REN: variants seen among roughly 807,000 people sequenced by gnomAD.
REN encodes renin, also known as angiotensin-forming enzyme.
In REN, 42 loss-of-function variants were observed where a neutral mutation model predicts 48.6. The ratio of observed to expected loss-of-function variants is 0.86; its 90% CI spans 0.68 to 1.12. REN has a LOEUF of 1.12. Among genes scored for constraint, REN ranks in the 50% most tolerant of loss-of-function variants. The pLI is 0.00. For synonymous variants in REN, 196 were observed against 204.6 expected, an observed-to-expected ratio of 0.96 and a Z score of 0.36; for missense variants, 443 against 527.3, an observed-to-expected ratio of 0.84 and a Z score of 1.57.
chr1:204,165,693 C>A (rs972546242), intron 1 of REN, among the ~76,000 whole-genome samples: 10 of 151,632 alleles, frequency 6.6e-5, no homozygotes, highest in African/African-American at 7.3e-5. Flanking sequence ...CGGGCTCAAA[C>A]GATTCTCCTG....
Position 204,162,047 on chromosome 1 carries a change from G to A in REN, c.215C>T (p.Thr72Ile). Residue 72 changes from threonine (T) to isoleucine (I), a missense_variant, in exon 2 of 10, where the codon ACC becomes ATC. Physicochemically the swap from Thr to Ile is moderately conservative, Grantham distance 89. Transcript: ENST00000272190. Reference sequence around the variant, plus strand: ...GTTGGTGAGGATCACGGAGGAGGTGGTGTTGCCAAGTGTCAGCCTCTTCAT... The same window carrying A: ...GTTGGTGAGGATCACGGAGGAGGTGATGTTGCCAAGTGTCAGCCTCTTCAT... ...QPMKRLTLGN[T>I]TSSVILTNYM... 4 of 1,614,168 alleles carry A rather than the reference G, an allele frequency of 2.5e-6. No homozygotes were observed. Among genetic ancestry groups the A allele is most frequent in the Non-Finnish European group, 3.4e-6 (4 of 1,180,036 alleles).
Position 204,159,450 on chromosome 1 carries a change from A to T in REN, c.638T>A (p.Ile213Asn). 6.2e-7 allele frequency: 1 copy of T among 1,614,096 alleles called. No homozygotes were observed. The change falls in exon 5 of 10, where the codon ATC becomes AAC. Residue 213 changes from isoleucine to asparagine, a missense_variant. By Grantham distance (149) the Ile-to-Asn change is moderately radical (BLOSUM62 -3). Transcript: ENST00000272190. ...CTCTTTTAGCACCCCTTGGGAGATG[A>T]TGTTGTCGAAGATAGGGGTGACCCT... ...IGRVTPIFDN[I>N]ISQGVLKEDV...
chr1:204,158,939 C>G (rs573159343), intron 5 of REN, among the ~76,000 whole-genome samples: 1 of 152,278 alleles, frequency 6.6e-6, no homozygotes, highest in East Asian at 1.9e-4. Context: ...AATGAAGGAT[C>G]TAATGGATGA....
At chr1:204,157,249 C>T (rs778072494) in intron 6 of REN, 112 bp downstream of exon 6, 45 of 1,401,916 alleles carry the variant, frequency 3.2e-5, no homozygotes, top group Middle Eastern at 1.9e-4. Context: ...CGGCATCTAG[C>T]GGAGGCTGGG....
chr1:204,156,616 C>T lies in REN; in HGVS notation c.818+61G>A, dbSNP rs931736710. ...GATGGTAATGCAGTCCTTCCCCACC[C>T]TCCCCAACCCCAGTGACGGCAGCAT... On this transcript the variant is annotated intron_variant, in intron 7 of 9. Coordinates refer to ENST00000272190, the MANE Select transcript of REN (RefSeq NM_000537.4). The surrounding 1 kb of genome is among the most constrained non-coding windows in gnomAD (Gnocchi z 4.2). 2 of 1,590,164 alleles carry T rather than the reference C, an allele frequency of 1.3e-6. No homozygotes were observed. Among genetic ancestry groups the T allele is most frequent in the East Asian group, 2.2e-5 (1 of 44,560 alleles).
intron 5 of REN, 177 bp downstream of exon 5, chr1:204,159,222 A>G: frequency 1.4e-6 from 1 of 695,252 alleles, no homozygotes; most frequent in Non-Finnish European, 2.6e-6. Flanking sequence ...GCTTAACTGT[A>G]TTTAATTAAT....
Position 204,155,017 on chromosome 1 carries a change from C to A in REN, c.1220G>T (p.Ter407LeuextTer21), listed in dbSNP as rs200760827. ...GGCCTGCCTGGGTGGCAGAGGGCCTCAGCGGGCCAAGGCGAAGCCAATGCG... is the reference window on the plus strand; with the variant it reads ...GGCCTGCCTGGGTGGCAGAGGGCCTAAGCGGGCCAAGGCGAAGCCAATGCG... ...NNRIGFALAR[*>L] The change falls in exon 10 of 10, where the codon TGA (stop) becomes TTA (leucine). Residue 407 changes from the stop codon to leucine, a stop_lost. Coordinates refer to ENST00000272190, the MANE Select transcript of REN (RefSeq NM_000537.4). The A allele has an allele frequency of 9.9e-6, 16 of 1,613,846 alleles. No individual in the cohort carries two copies. The African/African-American group carries it at 1.6e-4, about 16-fold the overall frequency.
In REN at chr1:204,162,321, TATA is replaced by T. The variant is rs1163552905; in HGVS notation, c.99-161_99-159del. 3.3e-5 allele frequency among the ~76,000 whole-genome samples: 5 copies of T among 152,164 alleles called. No homozygotes were observed. In the East Asian group the frequency reaches 9.6e-4, roughly 29 times the overall value. On this transcript the variant is annotated intron_variant, in intron 1 of 9. Coordinates refer to ENST00000272190, the MANE Select transcript of REN (RefSeq NM_000537.4). Reference sequence around the variant, plus strand: ...TGTCGCTGAGGGCCTCTGGAGCATTTATAAGAGTTACTTCTTGTCAAGAGTCAA... The same window carrying T: ...TGTCGCTGAGGGCCTCTGGAGCATTTAGAGTTACTTCTTGTCAAGAGTCAA...
In REN at chr1:204,159,714, G is replaced by A; in HGVS notation, c.493-119C>T. The A allele has an allele frequency of 5.9e-6, 5 of 854,438 alleles. No homozygotes were observed. The South Asian group carries it at 7.0e-5, about 12-fold the overall frequency. The allele number at this position is 854,438 out of a possible 1,614,324, so 52.9% of individuals were successfully genotyped here. Reference sequence around the variant, plus strand: ...ACATGCTCCAGGGTACAGAAATCGGGGTAAGAGTATTTCCTCAACCCTGCA... The same window carrying A: ...ACATGCTCCAGGGTACAGAAATCGGAGTAAGAGTATTTCCTCAACCCTGCA... On this transcript the variant is annotated intron_variant, in intron 4 of 9. Transcript: ENST00000272190.
chr1:204,163,955 T>C (rs1658293954), intron 1 of REN, among the ~76,000 whole-genome samples: 2 of 152,160 alleles, frequency 1.3e-5, no homozygotes, highest in Admixed American at 6.5e-5. Context: ...TAAATGTAAA[T>C]TGTAGGTGTG....
Position 204,161,295 on chromosome 1 carries a change from A to G in REN, c.370T>C (p.Cys124Arg). The G allele has an allele frequency of 1.9e-6, 3 of 1,603,046 alleles. No homozygotes were observed. Among genetic ancestry groups the G allele is most frequent in the Non-Finnish European group, 2.6e-6 (3 of 1,174,548 alleles). ...CACTGTGGGTCTTAGGTCTCACCAC[A>G]GGCAGTGTAGAGACGGCTGCACTTG... Reference protein sequence around the residue: ...SSKCSRLYTACVYHKLFDASD... With the variant: ...SSKCSRLYTARVYHKLFDASD... Residue 124 changes from cysteine (C) to arginine (R), a missense_variant, in exon 3 of 10, where the codon TGT (cysteine) becomes CGT (arginine). Coordinates refer to ENST00000272190, the MANE Select transcript of REN (RefSeq NM_000537.4).
intron 1 of REN, among the ~76,000 whole-genome samples, chr1:204,165,835 G>T (rs908457301): frequency 6.6e-6 from 1 of 152,074 alleles, no homozygotes; most frequent in African/African-American, 2.4e-5. Flanking sequence ...CAAGTGATCC[G>T]TCTCAGCCTC....
chr1:204,162,421 G>C (rs915007445), intron 1 of REN, among the ~76,000 whole-genome samples: 3 of 152,184 alleles, frequency 2.0e-5, no homozygotes, highest in African/African-American at 4.8e-5. Context: ...ATTTTGATTA[G>C]ACAAGGCTAT....
At chr1:204,161,811 C>T (rs981666079) in intron 2 of REN, among the ~76,000 whole-genome samples, 28 of 152,142 alleles carry the variant, frequency 1.8e-4, no homozygotes, top group African/African-American at 6.0e-4. Flanking sequence ...TAACCCTGCC[C>T]CTGAATGGCC....
At position 204,160,600 on chromosome 1, in the gene REN, G is replaced by A. The variant is rs1229083474; in HGVS notation, c.452C>T (p.Thr151Ile). ...NGTELTLRYS[T>I]GTVSGFLSQD... ...GCTGAGAAAGCCACTGACTGTCCCT[G>A]TTGAATAGCGGAGGGTGAGTTCTGT... Residue 151 changes from threonine (T) to isoleucine (I), a missense_variant, in exon 4 of 10, where the codon ACA becomes ATA. Coordinates refer to ENST00000272190, the MANE Select transcript of REN (RefSeq NM_000537.4). 6.2e-7 allele frequency: 1 copy of A among 1,614,100 alleles called. No individual in the cohort carries two copies. The highest frequency in any genetic ancestry group is 8.5e-7 in the Non-Finnish European group (1 of 1,180,000).
rs760720760 is a variant in REN at position 204,156,661 on chromosome 1, G to A, written c.818+16C>T. 1.2e-6 allele frequency: 2 copies of A among 1,613,962 alleles called. No homozygotes were observed. Among genetic ancestry groups the A allele is most frequent in the Non-Finnish European group, 8.5e-7 (1 of 1,180,010 alleles). On this transcript the variant is annotated intron_variant, in intron 7 of 9. Coordinates refer to ENST00000272190, the MANE Select transcript of REN (RefSeq NM_000537.4). This position sits in a 1 kb window ranked among gnomAD's most constrained non-coding sequence, Gnocchi z 4.2. ...CAGCATTTTTTGGAGCCCGGGGAGG[G>A]TTGAGGATTTCTGACCCCTTCATTT...
At chr1:204,159,355 C>A in intron 5 of REN, 44 bp downstream of exon 5, 2 of 1,570,514 alleles carry the variant, frequency 1.3e-6, no homozygotes, top group Non-Finnish European at 1.8e-6. Context: ...ATCTCTTCTC[C>A]CCTCCTGTCC....
intron 8 of REN, 33 bp from the exon 9 acceptor site, chr1:204,155,951 T>C (rs369989388): frequency 3.9e-5 from 61 of 1,571,102 alleles, no homozygotes; most frequent in Non-Finnish European, 5.1e-5. Context: ...CCTTCTTGAG[T>C]ATGGAAGACG....
chr1:204,155,920 T>G lies in REN; in HGVS notation c.961-2A>C. 1.2e-6 allele frequency: 2 copies of G among 1,612,004 alleles called. No individual in the cohort carries two copies. Among genetic ancestry groups the G allele is most frequent in the East Asian group, 2.2e-5 (1 of 44,850 alleles). On this transcript the variant is annotated splice_acceptor_variant, in intron 8 of 9. Transcript: ENST00000272190. LOFTEE classifies it high-confidence loss of function. The stretch of plus-strand genomic sequence containing the variant: ...GCCCTCGTTACACTTCACGACATAC[T>G]GGGGTGGGGGGCAAAGAGAGCCTTC...
Sources: allele counts gnomAD v4.1 joint callset (sites outside exome capture counted in the v4.1 genomes callset), GRCh38; gene constraint gnomAD v4.1.1; non-coding constraint Gnocchi (gnomAD v3.1); transcripts MANE v1.5; gene names NCBI Gene and HGNC (gene_info 2026-07-23, HGNC 2026-07-21).